FAM222B: variants seen among roughly 807,000 people sequenced by gnomAD.
FAM222B encodes protein FAM222B.
In FAM222B, 12 loss-of-function variants were observed where a neutral mutation model predicts 38.0. That is an observed-to-expected ratio of 0.32 (90% CI 0.20 to 0.51). The LOEUF is 0.51. Ranked by LOEUF, FAM222B falls within the 20% of genes least tolerant of loss-of-function variation. FAM222B has a pLI of 0.97. For missense variants in FAM222B, 716 were observed against 754.2 expected (o/e 0.95, Z 0.59); for synonymous variants, 329 against 317.2 (o/e 1.04, Z -0.40).
At chr17:28,766,178 G>A (rs900865146) in intron 2 of FAM222B, among the ~76,000 whole-genome samples, 2 of 152,172 alleles carry the variant, frequency 1.3e-5, no homozygotes, top group African/African-American at 2.4e-5. Context: ...CTAATGGCTG[G>A]ACACAGTGGC....
chr17:28,783,656 C>T (rs375689299), intron 1 of FAM222B, among the ~76,000 whole-genome samples: 2 of 152,034 alleles, frequency 1.3e-5, no homozygotes, highest in African/African-American at 2.4e-5. Flanking sequence ...ATTACAGGCA[C>T]GCACCAGTGC....
upstream of FAM222B, among the ~76,000 whole-genome samples, chr17:28,844,011 T>C (rs1282034676): frequency 6.6e-6 from 1 of 152,212 alleles, no homozygotes; most frequent in Non-Finnish European, 1.5e-5. Context: ...AATAGTCCCC[T>C]GCTTTCCAGC....
chr17:28,757,718 CAA>C lies in FAM222B; in HGVS notation c.*550_*551del, dbSNP rs1468428748. ...CTGTGGGATCAATATAGACACAAAA[CAA>C]AGCCTTGAGGAATGGAAAGGAACTT... On this transcript the variant is annotated 3_prime_UTR_variant, in exon 3 of 3. Transcript: ENST00000581407. The C allele has an allele frequency of 2.6e-5, 4 of 152,488 alleles. No homozygotes were observed. Among genetic ancestry groups the C allele is most frequent in the African/African-American group, 9.7e-5 (4 of 41,412 alleles). 9.4% of individuals were successfully genotyped at this position (152,488 alleles called of 1,614,324 possible). A position where few individuals can be genotyped will look rare whatever the true frequency, so the allele number is the denominator to read the frequency against.
intron 1 of FAM222B, among the ~76,000 whole-genome samples, chr17:28,801,509 C>T (rs2037228750): frequency 6.7e-6 from 1 of 150,182 alleles, no homozygotes; most frequent in Non-Finnish European, 1.5e-5. Context: ...TAAGCAAAAG[C>T]CAAACCAGTA....
intron 1 of FAM222B, among the ~76,000 whole-genome samples, chr17:28,774,338 A>G (rs2035783846): frequency 6.6e-6 from 1 of 152,154 alleles, no homozygotes. Context: ...GAGCAGGCCA[A>G]ATGAGTTACA....
intron 1 of FAM222B, among the ~76,000 whole-genome samples, chr17:28,853,149 C>CA (rs2039194588): frequency 2.0e-5 from 3 of 148,132 alleles, no homozygotes; most frequent in African/African-American, 7.5e-5. Context: ...GCCAAGATTG[C>CA]ACCATTGCAC....
intron 1 of FAM222B, among the ~76,000 whole-genome samples, chr17:28,770,639 C>T (rs993775517): frequency 6.6e-6 from 1 of 151,022 alleles, no homozygotes; most frequent in African/African-American, 2.4e-5. Context: ...GGCGCCTTCT[C>T]GGCGGCTACA....
At chr17:28,772,494 G>A (rs191358562) in intron 1 of FAM222B, among the ~76,000 whole-genome samples, 43 of 150,702 alleles carry the variant, frequency 2.9e-4, no homozygotes, top group African/African-American at 1.0e-3. Flanking sequence ...GGAGGCCGAG[G>A]CGGGCGGATC....
intron 1 of FAM222B, among the ~76,000 whole-genome samples, chr17:28,772,403 C>T (rs1300644303): frequency 2.0e-5 from 3 of 152,082 alleles, no homozygotes; most frequent in South Asian, 2.1e-4. Flanking sequence ...TACTGCCCCT[C>T]AAACCACATC....
At chr17:28,837,834 G>A (rs2152625390) in intron 1 of FAM222B, among the ~76,000 whole-genome samples, 1 of 152,136 alleles carries the variant, frequency 6.6e-6, no homozygotes, top group South Asian at 2.1e-4. Flanking sequence ...TGTATTTTTA[G>A]CAGAGACGGG....
At chr17:28,762,155 G>C (rs141534556) in intron 2 of FAM222B, 1 of 152,236 alleles carries the variant, frequency 6.6e-6, no homozygotes, top group Non-Finnish European at 1.5e-5. Flanking sequence ...TGGTGAAGAG[G>C]GCTGTCAAAG....
intron 1 of FAM222B, among the ~76,000 whole-genome samples, chr17:28,853,937 GTTTC>G (rs2039203246): frequency 7.4e-6 from 1 of 135,898 alleles, no homozygotes; most frequent in Non-Finnish European, 1.6e-5. Flanking sequence ...GTTTATCTCT[GTTTC>G]TTTTTTTTTT....
intron 1 of FAM222B, among the ~76,000 whole-genome samples, chr17:28,796,993 G>GC (rs1389041826): frequency 1.5e-4 from 18 of 119,768 alleles, no homozygotes; most frequent in Non-Finnish European, 3.1e-4. Context: ...AGTGGCTATT[G>GC]CTTTTTTTTT....
intron 1 of FAM222B, among the ~76,000 whole-genome samples, chr17:28,786,317 G>T (rs535435604): frequency 6.6e-6 from 1 of 152,334 alleles, no homozygotes; most frequent in Admixed American, 6.5e-5. Flanking sequence ...GCAACTATAA[G>T]CAAGGTAAAT....
At chr17:28,819,431 A>G (rs1353013620) in intron 1 of FAM222B, among the ~76,000 whole-genome samples, 1 of 152,216 alleles carries the variant, frequency 6.6e-6, no homozygotes, top group East Asian at 1.9e-4. Flanking sequence ...TTTGTTAGGT[A>G]GTGGTGGAAA....
intron 1 of FAM222B, among the ~76,000 whole-genome samples, chr17:28,801,679 G>A (rs1380649218): frequency 6.6e-6 from 1 of 151,994 alleles, no homozygotes; most frequent in African/African-American, 2.4e-5. Context: ...GTAAGGCAGA[G>A]GGTCCATACA....
intron 1 of FAM222B, among the ~76,000 whole-genome samples, chr17:28,781,537 ATAT>A (rs1289280377): frequency 6.6e-6 from 1 of 152,174 alleles, no homozygotes; most frequent in Non-Finnish European, 1.5e-5. Context: ...TACTGGGCAT[ATAT>A]ACAAGGAAAT....
At chr17:28,776,549 C>A (rs1286893328) in intron 1 of FAM222B, among the ~76,000 whole-genome samples, 1 of 150,344 alleles carries the variant, frequency 6.7e-6, no homozygotes, top group African/African-American at 2.5e-5. Flanking sequence ...CTCAACCTCC[C>A]GGGCTCAAGC....
chr17:28,818,075 T>C (rs1297800130), intron 1 of FAM222B, among the ~76,000 whole-genome samples: 1 of 152,028 alleles, frequency 6.6e-6, no homozygotes, highest in Non-Finnish European at 1.5e-5. Context: ...TTAAAAGGCA[T>C]GAAGGTGGGG....
Sources: gnomAD v4.1 joint callset for allele counts (sites outside exome capture counted in the v4.1 genomes callset) on GRCh38, gnomAD v4.1.1 for gene constraint, MANE v1.5 for transcripts, NCBI Gene and HGNC (gene_info 2026-07-23, HGNC 2026-07-21) for gene names.